Variants in SUGCT observed in about 807,000 individuals in gnomAD.
SUGCT encodes the protein succinyl-CoA:glutarate-CoA transferase.
SUGCT carries 41 observed loss-of-function variants against 55.0 expected under a neutral mutation model. The ratio of observed to expected loss-of-function variants is 0.74; its 90% CI spans 0.58 to 0.97. The LOEUF is 0.97. Among genes scored for constraint, SUGCT ranks in the 50% least tolerant of loss-of-function variants. The pLI is 0.00. For synonymous variants in SUGCT, 187 were observed against 200.4 expected (o/e 0.93, Z 0.56); for missense variants, 568 against 547.8 (o/e 1.04, Z -0.37).
At chr7:40,844,036 A>T (rs1793424831) in intron 13 of SUGCT, among the ~76,000 whole-genome samples, 2 of 152,042 alleles carry the variant, frequency 1.3e-5, no homozygotes, top group Non-Finnish European at 2.9e-5. Flanking sequence ...GAACCAGGGC[A>T]AATCAACACT....
intron 11 of SUGCT, among the ~76,000 whole-genome samples, chr7:40,493,709 T>C (rs1375997508): frequency 6.6e-6 from 1 of 152,218 alleles, no homozygotes; most frequent in Non-Finnish European, 1.5e-5. Flanking sequence ...GGACATTCTT[T>C]TTGTCTTATC....
the SUGCT span, among the ~76,000 whole-genome samples, chr7:40,957,447 C>CTTTTTTTTTT: frequency 5.3e-5 from 4 of 76,108 alleles, no homozygotes; most frequent in Non-Finnish European, 7.5e-5. Context: ...GCAACCCCTG[C>CTTTTTTTTTT]TTTTTTTTTT....
intron 12 of SUGCT, among the ~76,000 whole-genome samples, chr7:40,609,497 G>A (rs545163591): frequency 6.6e-6 from 1 of 150,764 alleles, no homozygotes; most frequent in African/African-American, 2.4e-5. Context: ...AACCTGGGAG[G>A]TGGAGCTTAC....
At chr7:40,241,886 C>T (rs1401281447) in intron 7 of SUGCT, among the ~76,000 whole-genome samples, 1 of 147,540 alleles carries the variant, frequency 6.8e-6, no homozygotes, top group Non-Finnish European at 1.5e-5. Flanking sequence ...CGCCACTGTA[C>T]TCCAGCCTGG....
At chr7:40,798,362 C>G (rs549026945) in intron 13 of SUGCT, among the ~76,000 whole-genome samples, 2 of 152,028 alleles carry the variant, frequency 1.3e-5, no homozygotes, top group Non-Finnish European at 2.9e-5. Context: ...TCTGTTGGTT[C>G]TATGGTGCAC....
chr7:40,534,065 T>C (rs1794231362), intron 12 of SUGCT, among the ~76,000 whole-genome samples: 1 of 152,200 alleles, frequency 6.6e-6, no homozygotes, highest in African/African-American at 2.4e-5. Flanking sequence ...AGCTTAGGAT[T>C]GGCATAAATT....
intron 12 of SUGCT, among the ~76,000 whole-genome samples, chr7:40,609,283 C>G (rs1481437507): frequency 6.6e-6 from 1 of 152,050 alleles, no homozygotes; most frequent in Non-Finnish European, 1.5e-5. Flanking sequence ...GAAGTTCTCT[C>G]CATTCTTCCT....
At position 40,286,364 on chromosome 7, in the gene SUGCT, G is replaced by A. The variant is rs139644486; in HGVS notation, c.720+11708G>A. Among the ~76,000 whole-genome samples, 1,410 of 152,224 alleles carry A rather than the reference G, an allele frequency of 9.3e-3. 12 individuals are homozygous for A. Among genetic ancestry groups the A allele is most frequent in the Non-Finnish European group, 0.011 (755 of 68,012 alleles). ...GGACTAGCCAAGTCAAGATACTCTC[G>A]CCTCTCTCTTAGGAGAACCCCTTTT... On this transcript the variant is annotated intron_variant, in intron 8 of 13. Coordinates refer to ENST00000335693, the MANE Select transcript of SUGCT (RefSeq NM_001193313.2).
chr7:40,512,610 C>T (rs553500155), intron 12 of SUGCT, among the ~76,000 whole-genome samples: 7 of 151,852 alleles, frequency 4.6e-5, no homozygotes, highest in Middle Eastern at 3.4e-3. Flanking sequence ...ATTTCATATA[C>T]GAGTGAGATA....
At chr7:40,285,328 G>A (rs1192398594) in intron 8 of SUGCT, among the ~76,000 whole-genome samples, 1 of 152,074 alleles carries the variant, frequency 6.6e-6, no homozygotes, top group African/African-American at 2.4e-5. Context: ...TCCTAAAGCT[G>A]TGTTTAATGA....
At chr7:40,758,518 C>T (rs1315909839) in intron 13 of SUGCT, among the ~76,000 whole-genome samples, 1 of 151,994 alleles carries the variant, frequency 6.6e-6, no homozygotes, top group Non-Finnish European at 1.5e-5. Flanking sequence ...TTACTATAAT[C>T]AATAGGAAAT....
intron 13 of SUGCT, among the ~76,000 whole-genome samples, chr7:40,773,008 T>C (rs1789258300): frequency 6.6e-6 from 1 of 152,152 alleles, no homozygotes; most frequent in African/African-American, 2.4e-5. Flanking sequence ...GTAGATTGAA[T>C]AAAATGAAAA....
chr7:40,610,287 C>T (rs2151769375), intron 12 of SUGCT, among the ~76,000 whole-genome samples: 1 of 152,330 alleles, frequency 6.6e-6, no homozygotes, highest in African/African-American at 2.4e-5. Flanking sequence ...TAATCATTTA[C>T]ATCTGGGTCT....
intron 12 of SUGCT, among the ~76,000 whole-genome samples, chr7:40,707,970 A>G (rs1228796554): frequency 3.3e-5 from 5 of 152,230 alleles, no homozygotes; most frequent in Non-Finnish European, 7.3e-5. Context: ...ACAGATTTTT[A>G]GCTGTTAGCA....
At chr7:40,376,686 C>T (rs1784563050) in intron 9 of SUGCT, among the ~76,000 whole-genome samples, 1 of 152,012 alleles carries the variant, frequency 6.6e-6, no homozygotes, top group Non-Finnish European at 1.5e-5. Context: ...GCTACTGTGC[C>T]TGGCCTATCT....
chr7:40,451,618 A>G (rs968847511), intron 10 of SUGCT, among the ~76,000 whole-genome samples: 1 of 152,228 alleles, frequency 6.6e-6, no homozygotes, highest in Non-Finnish European at 1.5e-5. Context: ...AGATTCTCAG[A>G]AGATTTATGT....
intron 9 of SUGCT, among the ~76,000 whole-genome samples, chr7:40,393,269 A>G (rs1426878186): frequency 6.6e-6 from 1 of 152,196 alleles, no homozygotes; most frequent in Non-Finnish European, 1.5e-5. Context: ...AACCAATGGT[A>G]TGTGGTATCA....
At chr7:40,666,685 C>G (rs1003964803) in intron 12 of SUGCT, among the ~76,000 whole-genome samples, 18 of 151,960 alleles carry the variant, frequency 1.2e-4, no homozygotes, top group African/African-American at 4.3e-4. Context: ...CATTTATGTT[C>G]CATGTGTTCG....
intron 12 of SUGCT, among the ~76,000 whole-genome samples, chr7:40,522,943 T>C (rs1793620627): frequency 6.6e-6 from 1 of 152,122 alleles, no homozygotes; most frequent in Non-Finnish European, 1.5e-5. Flanking sequence ...AAAAAATACA[T>C]TTTATGCATA....
Sources: allele counts gnomAD v4.1 joint callset (sites outside exome capture counted in the v4.1 genomes callset), GRCh38; gene constraint gnomAD v4.1.1; transcripts MANE v1.5; gene names NCBI Gene and HGNC (gene_info 2026-07-23, HGNC 2026-07-21).